ZNF14: variants seen among roughly 807,000 people sequenced by gnomAD.
ZNF14 encodes the protein zinc finger protein 14, also known as gonadotropin inducible transcription repressor-4.
A neutral mutation model predicts 11.3 loss-of-function variants in ZNF14; 9 were observed. The ratio of observed to expected loss-of-function variants is 0.80; its 90% CI spans 0.48 to 1.39. The LOEUF is 1.39. Ranked by LOEUF, ZNF14 falls within the 40% of genes most tolerant of loss-of-function variation. The probability of loss-of-function intolerance (pLI) is 0.00; values close to 1 mark genes in which losing one functional copy is unlikely to be tolerated. For missense variants in ZNF14, 711 were observed against 763.9 expected, an observed-to-expected ratio of 0.93 and a Z score of 0.82; for synonymous variants, 239 against 245.7, an observed-to-expected ratio of 0.97 and a Z score of 0.25.
At chr19:19,725,377 T>C (rs1469087215) in intron 1 of ZNF14, among the ~76,000 whole-genome samples, 2 of 133,896 alleles carry the variant, frequency 1.5e-5, no homozygotes, top group Non-Finnish European at 3.3e-5. Context: ...GGTTGAAAAT[T>C]CTTTTCTTTA....
chr19:19,714,268 C>T, intron 2 of ZNF14, 93 bp downstream of exon 2: 1 of 1,597,150 alleles, frequency 6.3e-7, no homozygotes, highest in Non-Finnish European at 8.5e-7. Flanking sequence ...GATTCCCTTT[C>T]CACATTTCAA....
chr19:19,726,605 T>G lies in ZNF14; in HGVS notation c.3+6351A>C, dbSNP rs1469102478. On this transcript the variant is annotated intron_variant, in intron 1 of 3. Coordinates refer to ENST00000344099, the MANE Select transcript of ZNF14 (RefSeq NM_021030.3). ...CCATGCTGGGAGAACCACTACTCTC[T>G]TCAAAGCTGTCAGACAGGGACATTT... Among the ~76,000 whole-genome samples the G allele has an allele frequency of 1.5e-5, 2 of 133,644 alleles. 1 individual carries two copies. Among genetic ancestry groups the G allele is most frequent in the Non-Finnish European group, 3.3e-5 (2 of 60,098 alleles). 87.7% of individuals were successfully genotyped at this position (133,644 alleles called of 152,430 possible).
At chr19:19,722,110 A>T (rs1159604076) in intron 1 of ZNF14, among the ~76,000 whole-genome samples, 1 of 152,188 alleles carries the variant, frequency 6.6e-6, no homozygotes, top group Non-Finnish European at 1.5e-5. Flanking sequence ...AAACCAGGGT[A>T]ACACAAGCAT....
chr19:19,719,378 G>A (rs1230809743), intron 1 of ZNF14, among the ~76,000 whole-genome samples: 1 of 152,154 alleles, frequency 6.6e-6, no homozygotes. Context: ...ACACTAACAG[G>A]AACAATATAT....
At position 19,712,516 on chromosome 19, in the gene ZNF14, T is replaced by C. The variant is rs762306553; in HGVS notation, c.765A>G (p.Gln255=). The change falls in exon 4 of 4, where the codon CAA becomes CAG. Residue 255 remains glutamine (Q), a synonymous_variant. Transcript: ENST00000344099. Reference sequence around the variant, plus strand: ...TGGGACAACTGAAAGCCTTACCACATTGCTTACATTCATAGGGTTTCTCTC... The same window carrying C: ...TGGGACAACTGAAAGCCTTACCACACTGCTTACATTCATAGGGTTTCTCTC... ...HTGEKPYECK[Q]CGKAFSCPTY... is the part of the protein sequence containing the mutation. 10 of 1,613,284 alleles carry C rather than the reference T, an allele frequency of 6.2e-6. No individual in the cohort carries two copies. Among genetic ancestry groups the C allele is most frequent in the African/African-American group, 2.7e-5 (2 of 74,838 alleles).
At chr19:19,714,015 G>T in intron 3 of ZNF14, 76 bp downstream of exon 3, 1 of 1,309,990 alleles carries the variant, frequency 7.6e-7, no homozygotes, top group Non-Finnish European at 1.1e-6. Flanking sequence ...TAAATTTGAA[G>T]CTGTGCTTAA....
Position 19,711,732 on chromosome 19 carries a change from A to G in ZNF14, c.1549T>C (p.Ser517Pro). 2 of 1,613,880 alleles carry G rather than the reference A, an allele frequency of 1.2e-6. No individual in the cohort carries two copies. The highest frequency in any genetic ancestry group is 1.7e-6 in the Non-Finnish European group (2 of 1,179,982). ...LCGKTFSFSS[S>P]LREHEKIHTG... ...TGAATTTTTTCATGTTCTCGAAGGG[A>G]ACTTGAAAAACTGAAGGTTTTACCG... The change falls in exon 4 of 4, where the codon TCC becomes CCC. Residue 517 changes from serine (S) to proline (P), a missense_variant. Coordinates refer to ENST00000344099, the MANE Select transcript of ZNF14 (RefSeq NM_021030.3).
At chr19:19,716,991 A>G (rs557060527) in intron 1 of ZNF14, among the ~76,000 whole-genome samples, 66 of 152,118 alleles carry the variant, frequency 4.3e-4, no homozygotes, top group Non-Finnish European at 7.4e-4. Context: ...CACCAATACA[A>G]GGTGTCTTTT....
chr19:19,711,423 A>G lies in ZNF14; in HGVS notation c.1858T>C (p.Cys620Arg), dbSNP rs2062359361. 1 of 1,604,014 alleles carries G rather than the reference A, an allele frequency of 6.2e-7. No homozygotes were observed. Among genetic ancestry groups the G allele is most frequent in the South Asian group, 1.1e-5 (1 of 89,332 alleles). The change falls in exon 4 of 4, where the codon TGT becomes CGT. Residue 620 changes from cysteine to arginine, a missense_variant. Coordinates refer to ENST00000344099, the MANE Select transcript of ZNF14 (RefSeq NM_021030.3). ...CTGGAAGAAATGAAGGCTTTTCCAC[A>G]TTGTTTGCATTCATAAGGTTTCTCT... ...TGEKPYECKQ[C>R]GKAFISSSHF...
rs769816467 is a variant in ZNF14 at position 19,713,080 on chromosome 19, C to A, written c.201G>T (p.Met67Ile). 4 of 1,569,292 alleles carry A rather than the reference C, an allele frequency of 2.5e-6. No homozygotes were observed. The highest frequency in any genetic ancestry group is 1.2e-5 in the South Asian group (1 of 84,376). ...RNQGKNRRCH[M>I]VERLCESRRG... The stretch of plus-strand genomic sequence containing the variant: ...TTCTACTTTCACAGAGTCTCTCAAC[C>A]ATATGACATCTGTAAAAAATGAATA... The change falls in exon 4 of 4, where the codon ATG (methionine) becomes ATT (isoleucine). Residue 67 changes from methionine to isoleucine, a missense_variant. Transcript: ENST00000344099.
At position 19,712,011 on chromosome 19, in the gene ZNF14, A is replaced by G. The variant is rs777938074; in HGVS notation, c.1270T>C (p.Cys424Arg). ...TGEKPYECKQ[C>R]GKTFSFSSSL... The stretch of plus-strand genomic sequence containing the variant: ...CTTGAAAAACTGAAGGTTTTACCAC[A>G]TTGTTTACATTCATAGGGTTTCTCT... Residue 424 changes from cysteine (C) to arginine (R), a missense_variant, in exon 4 of 4, where the codon TGT becomes CGT. Physicochemically the swap from Cys to Arg is radical, Grantham distance 180. Coordinates refer to ENST00000344099, the MANE Select transcript of ZNF14 (RefSeq NM_021030.3). 17 of 1,613,908 alleles carry G rather than the reference A, an allele frequency of 1.1e-5. No individual in the cohort carries two copies. Among genetic ancestry groups the G allele is most frequent in the Non-Finnish European group, 1.4e-5 (17 of 1,180,010 alleles).
At chr19:19,730,805 G>C (rs1483391476) in intron 1 of ZNF14, among the ~76,000 whole-genome samples, 2 of 152,126 alleles carry the variant, frequency 1.3e-5, no homozygotes, top group Non-Finnish European at 2.9e-5. Context: ...CCAGCTACTA[G>C]GGAGGCTGAG....
At chr19:19,729,472 C>T (rs1009635196) in intron 1 of ZNF14, among the ~76,000 whole-genome samples, 8 of 151,962 alleles carry the variant, frequency 5.3e-5, no homozygotes, top group Non-Finnish European at 1.2e-4. Context: ...CCAGCCCCCA[C>T]ATCCAGCTAA....
Position 19,712,105 on chromosome 19 carries a change from C to T in ZNF14, c.1176G>A (p.Glu392=), listed in dbSNP as rs2062362706. 6.2e-7 allele frequency: 1 copy of T among 1,613,272 alleles called. No individual in the cohort carries two copies. The highest frequency in any genetic ancestry group is 8.5e-7 in the Non-Finnish European group (1 of 1,179,864). ...TGAAGGTTTTATGACACTGTTTACA[C>T]TCATAAGGTTTCTCTCCAGTATGAG... ...ERTHTGEKPY[E]CKQCHKTFSF... is the part of the protein sequence containing the mutation. Residue 392 remains glutamate (E), a synonymous_variant, in exon 4 of 4, where the codon GAG becomes GAA. Coordinates refer to ENST00000344099, the MANE Select transcript of ZNF14 (RefSeq NM_021030.3).
chr19:19,727,156 C>T (rs1475011439), intron 1 of ZNF14, among the ~76,000 whole-genome samples: 1 of 133,560 alleles, frequency 7.5e-6, no homozygotes, highest in Non-Finnish European at 1.7e-5. Flanking sequence ...ATTGCTCATG[C>T]AGGGAGCTGT....
chr19:19,731,284 C>T (rs1156590970), intron 1 of ZNF14, among the ~76,000 whole-genome samples: 2 of 151,916 alleles, frequency 1.3e-5, no homozygotes, highest in Admixed American at 1.3e-4. Context: ...CAAAAGAATA[C>T]CCACAATCAG....
chr19:19,729,007 T>A (rs979315832), intron 1 of ZNF14, among the ~76,000 whole-genome samples: 11 of 152,076 alleles, frequency 7.2e-5, no homozygotes, highest in Non-Finnish European at 2.9e-5. Flanking sequence ...GACGGAGTCT[T>A]GCTCTGTTGC....
At chr19:19,714,587 C>T in intron 1 of ZNF14, 100 bp from the exon 2 acceptor site, 2 of 1,411,154 alleles carry the variant, frequency 1.4e-6, no homozygotes, top group South Asian at 3.0e-5. Context: ...TCTGTGTTCT[C>T]CAAACATTTG....
At chr19:19,719,660 G>C (rs529186736) in intron 1 of ZNF14, among the ~76,000 whole-genome samples, 1 of 151,914 alleles carries the variant, frequency 6.6e-6, no homozygotes, top group African/African-American at 2.4e-5. Context: ...AAGCAGATAA[G>C]GTAGAAAAAG....
Sources: allele counts gnomAD v4.1 joint callset (sites outside exome capture counted in the v4.1 genomes callset), GRCh38; gene constraint gnomAD v4.1.1; transcripts MANE v1.5; gene names NCBI Gene and HGNC (gene_info 2026-07-23, HGNC 2026-07-21).